Variants in MYO3B observed in about 807,000 individuals in gnomAD.
MYO3B encodes the protein myosin-IIIb.
Under a neutral mutation model 174.6 loss-of-function variants are expected in MYO3B, and 156 were observed. The ratio of observed to expected loss-of-function variants is 0.89; its 90% confidence interval spans 0.78 to 1.02. MYO3B has a LOEUF of 1.02. MYO3B is among the 50% of genes least tolerant of loss of function. The pLI is 0.00. For synonymous variants in MYO3B, 563 were observed against 569.1 expected (o/e 0.99, Z 0.15); for missense variants, 1,632 against 1,639.4 (o/e 1.00, Z 0.08).
intron 30 of MYO3B, among the ~76,000 whole-genome samples, chr2:170,533,497 C>A (rs1689488256): frequency 6.6e-6 from 1 of 151,984 alleles, no homozygotes; most frequent in South Asian, 2.1e-4. Flanking sequence ...TAAATGGTCT[C>A]TGAAGTTTCC....
At chr2:170,254,246 C>T (rs868724368) in intron 7 of MYO3B, among the ~76,000 whole-genome samples, 62 of 152,298 alleles carry the variant, frequency 4.1e-4, no homozygotes, top group Middle Eastern at 3.4e-3. Context: ...GGAGGAGCTG[C>T]CTGTAGAGTA....
At chr2:170,497,898 T>C (rs1278650583) in intron 25 of MYO3B, among the ~76,000 whole-genome samples, 2 of 137,762 alleles carry the variant, frequency 1.5e-5, no homozygotes, top group East Asian at 4.1e-4. Flanking sequence ...TGAGCCGAGA[T>C]GGCGCCACTG....
At position 170,280,652 on chromosome 2, in the gene MYO3B, A is replaced by G. The variant is rs936042006; in HGVS notation, c.749+44516A>G. Among the ~76,000 whole-genome samples the G allele has an allele frequency of 4.0e-5, 6 of 149,336 alleles. No homozygotes were observed. The East Asian group carries it at 1.2e-3, about 29-fold the overall frequency. ...TAATCTATCTTGAATTGAATTTTGT[A>G]TATGGTGTAAGGAAGGGGTCCAGCT... is the stretch of plus-strand genomic sequence containing the variant. On this transcript the variant is annotated intron_variant, in intron 7 of 34. Coordinates refer to ENST00000408978, the MANE Select transcript of MYO3B (RefSeq NM_138995.5).
chr2:170,427,876 G>A (rs751724641), intron 22 of MYO3B, among the ~76,000 whole-genome samples: 5 of 152,096 alleles, frequency 3.3e-5, no homozygotes, highest in South Asian at 4.1e-4. Flanking sequence ...AAAAAAGCTC[G>A]TATAAGTGAT....
At chr2:170,316,811 G>A (rs1355629133) in intron 7 of MYO3B, among the ~76,000 whole-genome samples, 1 of 152,204 alleles carries the variant, frequency 6.6e-6, no homozygotes, top group Non-Finnish European at 1.5e-5. Flanking sequence ...TTGTAATGTG[G>A]GTGAGGTGCT....
At chr2:170,234,170 CAAAAAAA>C (rs71006078) in intron 6 of MYO3B, among the ~76,000 whole-genome samples, 4 of 48,594 alleles carry the variant, frequency 8.2e-5, no homozygotes, top group East Asian at 5.0e-4. Context: ...GACTCCGTCT[CAAAAAAA>C]AAAAAAAAAA....
intron 7 of MYO3B, among the ~76,000 whole-genome samples, chr2:170,248,183 C>T (rs962279137): frequency 2.6e-5 from 4 of 152,168 alleles, no homozygotes; most frequent in East Asian, 1.9e-4. Flanking sequence ...ACACTTATCT[C>T]TGATGAAAAT....
intron 32 of MYO3B, among the ~76,000 whole-genome samples, chr2:170,551,670 C>T (rs2355890): frequency 6.6e-6 from 1 of 151,458 alleles, no homozygotes. Flanking sequence ...GTCTTAATCC[C>T]CAATCCAATT....
chr2:170,560,527 A>G (rs571396056), intron 32 of MYO3B, among the ~76,000 whole-genome samples: 1 of 152,300 alleles, frequency 6.6e-6, no homozygotes, highest in African/African-American at 2.4e-5. Context: ...TCCTTTTTAG[A>G]GGAAGAAATT....
At chr2:170,297,852 G>A (rs2093638565) in intron 7 of MYO3B, among the ~76,000 whole-genome samples, 1 of 152,100 alleles carries the variant, frequency 6.6e-6, no homozygotes, top group Non-Finnish European at 1.5e-5. Flanking sequence ...GTACAGCAGC[G>A]ATACTATAGG....
At chr2:170,543,132 C>T (rs1690232346) in intron 31 of MYO3B, among the ~76,000 whole-genome samples, 166 bp downstream of exon 31, 1 of 152,094 alleles carries the variant, frequency 6.6e-6, no homozygotes. Flanking sequence ...TGCTGAAGAA[C>T]TTTGGTTCAG....
chr2:170,345,601 A>G (rs2094009854), intron 8 of MYO3B, among the ~76,000 whole-genome samples: 1 of 151,946 alleles, frequency 6.6e-6, no homozygotes, highest in African/African-American at 2.4e-5. Flanking sequence ...CAAAGCTTGA[A>G]CCTTCAGGCT....
At chr2:170,386,562 A>C (rs960628789) in intron 13 of MYO3B, among the ~76,000 whole-genome samples, 1 of 152,224 alleles carries the variant, frequency 6.6e-6, no homozygotes, top group African/African-American at 2.4e-5. Flanking sequence ...AAAAATGGTT[A>C]AGCACTAGGA....
intron 25 of MYO3B, among the ~76,000 whole-genome samples, chr2:170,487,409 C>T (rs1408375555): frequency 3.3e-5 from 5 of 152,164 alleles, no homozygotes; most frequent in Admixed American, 2.0e-4. Flanking sequence ...TTTGCTTACT[C>T]GTGTCATTCA....
intron 32 of MYO3B, among the ~76,000 whole-genome samples, chr2:170,634,882 T>C (rs1016841523): frequency 6.6e-6 from 1 of 152,156 alleles, no homozygotes. Flanking sequence ...TCATCACTGG[T>C]CATCAGTGAA....
chr2:170,235,472 G>T (rs377053203), intron 6 of MYO3B, among the ~76,000 whole-genome samples: 9 of 152,206 alleles, frequency 5.9e-5, no homozygotes, highest in African/African-American at 2.2e-4. Flanking sequence ...GGAGGGGAAA[G>T]ATGCTCTTAG....
intron 30 of MYO3B, among the ~76,000 whole-genome samples, chr2:170,533,119 A>G (rs925527747): frequency 6.6e-6 from 1 of 152,144 alleles, no homozygotes; most frequent in Non-Finnish European, 1.5e-5. Flanking sequence ...ATTCACACCT[A>G]AAAGTCTATT....
chr2:170,355,259 A>G (rs1007126708), intron 8 of MYO3B, among the ~76,000 whole-genome samples: 2 of 152,154 alleles, frequency 1.3e-5, no homozygotes, highest in Non-Finnish European at 2.9e-5. Context: ...ATCTGACAAG[A>G]TTTTTTTCCA....
intron 3 of MYO3B, among the ~76,000 whole-genome samples, chr2:170,207,371 G>A (rs1490566228): frequency 6.6e-6 from 1 of 152,058 alleles, no homozygotes; most frequent in Non-Finnish European, 1.5e-5. Context: ...GACAAACTGG[G>A]TTATTAGAAA....
Sources: gnomAD v4.1 joint callset for allele counts (sites outside exome capture counted in the v4.1 genomes callset) on GRCh38, gnomAD v4.1.1 for gene constraint, MANE v1.5 for transcripts, NCBI Gene and HGNC (gene_info 2026-07-23, HGNC 2026-07-21) for gene names.